PTPRM: variants seen among roughly 807,000 people sequenced by gnomAD.
The protein encoded by PTPRM is protein tyrosine phosphatase receptor type M, also known as receptor-type tyrosine-protein phosphatase mu.
PTPRM carries 47 observed loss-of-function variants against 186.7 expected under a neutral mutation model. The ratio of observed to expected loss-of-function variants is 0.25; its 90% confidence interval spans 0.20 to 0.32. The LOEUF is 0.32. PTPRM is among the 10% of genes least tolerant of loss of function. PTPRM has a pLI of 1.00. For missense variants in PTPRM, 1,494 were observed against 1,865.0 expected, an observed-to-expected ratio of 0.80 and a Z score of 3.66; for synonymous variants, 668 against 674.9, an observed-to-expected ratio of 0.99 and a Z score of 0.16.
chr18:7,694,880 A>T (rs963710401), intron 1 of PTPRM, among the ~76,000 whole-genome samples: 1 of 152,224 alleles, frequency 6.6e-6, no homozygotes, highest in African/African-American at 2.4e-5. Context: ...AGTTAAAAAA[A>T]AGTAAAAAGA....
At chr18:8,375,957 G>A (rs562848230) in intron 24 of PTPRM, 89 bp from the exon 25 acceptor site, 60 of 1,396,686 alleles carry the variant, frequency 4.3e-5, no homozygotes, top group South Asian at 4.1e-4. Flanking sequence ...GCTACCTGGG[G>A]ACTGTTTCCA....
At chr18:8,321,329 G>C (rs2095344260) in intron 22 of PTPRM, among the ~76,000 whole-genome samples, 1 of 152,048 alleles carries the variant, frequency 6.6e-6, no homozygotes, top group South Asian at 2.1e-4. Context: ...CTAGATTAAG[G>C]TGACTAAACG....
chr18:8,226,705 T>A (rs1464440252), intron 14 of PTPRM, among the ~76,000 whole-genome samples: 1 of 152,230 alleles, frequency 6.6e-6, no homozygotes, highest in Non-Finnish European at 1.5e-5. Context: ...CTGCTGTAAA[T>A]AAATTCCTAC....
chr18:8,001,939 T>C (rs982369240), intron 7 of PTPRM, among the ~76,000 whole-genome samples: 2 of 152,264 alleles, frequency 1.3e-5, no homozygotes, highest in Admixed American at 6.5e-5. Flanking sequence ...TCATAATTGA[T>C]GTTTCCTTTG....
At chr18:7,569,763 G>T (rs2036524207) in intron 1 of PTPRM, among the ~76,000 whole-genome samples, 2 of 152,188 alleles carry the variant, frequency 1.3e-5, no homozygotes, top group Admixed American at 6.5e-5. Flanking sequence ...TGATGTAAAT[G>T]ATCAGTCAAG....
chr18:8,355,490 G>C (rs575123180), intron 23 of PTPRM, among the ~76,000 whole-genome samples: 1 of 152,236 alleles, frequency 6.6e-6, no homozygotes, highest in African/African-American at 2.4e-5. Context: ...CCTTGTCATG[G>C]ATATACCACG....
chr18:7,779,631 C>T, intron 2 of PTPRM, among the ~76,000 whole-genome samples: 1 of 152,268 alleles, frequency 6.6e-6, no homozygotes, highest in East Asian at 1.9e-4. Context: ...TTTATTCACA[C>T]TTCAGGACTT....
intron 32 of PTPRM, among the ~76,000 whole-genome samples, chr18:8,397,069 A>G (rs2095848530): frequency 1.3e-5 from 2 of 152,226 alleles, no homozygotes; most frequent in South Asian, 2.1e-4. Context: ...CAGCAGCTGA[A>G]AAGAGCAGTG....
At chr18:8,395,774 A>T in intron 32 of PTPRM, among the ~76,000 whole-genome samples, 1 of 152,124 alleles carries the variant, frequency 6.6e-6, no homozygotes, top group East Asian at 1.9e-4. Flanking sequence ...GCCCATGGAA[A>T]CCCAAATTCT....
intron 1 of PTPRM, among the ~76,000 whole-genome samples, chr18:7,659,994 G>C (rs2038941842): frequency 6.6e-6 from 1 of 152,174 alleles, no homozygotes; most frequent in South Asian, 2.1e-4. Context: ...GCCTTCTGGA[G>C]GGTGAAAGTG....
chr18:8,257,021 CT>C (rs2094581038), intron 19 of PTPRM, among the ~76,000 whole-genome samples: 1 of 152,168 alleles, frequency 6.6e-6, no homozygotes, highest in African/African-American at 2.4e-5. Context: ...CCGCTGTCCC[CT>C]GGGGAAGCTG....
At chr18:8,372,536 G>C (rs940396988) in intron 24 of PTPRM, among the ~76,000 whole-genome samples, 2 of 152,158 alleles carry the variant, frequency 1.3e-5, no homozygotes, top group African/African-American at 4.8e-5. Context: ...GAATCACAAA[G>C]CTGGAAAGAC....
chr18:8,219,833 G>A (rs2094134481), intron 14 of PTPRM, among the ~76,000 whole-genome samples: 1 of 152,216 alleles, frequency 6.6e-6, no homozygotes, highest in African/African-American at 2.4e-5. Context: ...AACAAAAGCA[G>A]TGGCTTGCAG....
intron 13 of PTPRM, among the ~76,000 whole-genome samples, chr18:8,118,913 C>A (rs1182241522): frequency 6.7e-6 from 1 of 149,768 alleles, no homozygotes; most frequent in Admixed American, 6.7e-5. Flanking sequence ...GACACTTCTT[C>A]TTCTTCCAGG....
chr18:7,843,997 A>T (rs1174490144), intron 2 of PTPRM, among the ~76,000 whole-genome samples: 1 of 152,134 alleles, frequency 6.6e-6, no homozygotes, highest in Non-Finnish European at 1.5e-5. Flanking sequence ...TCACAACATG[A>T]TGACTTGATT....
chr18:8,248,272 G>T (rs1224907003), intron 17 of PTPRM, 96 bp downstream of exon 17: 1 of 1,181,290 alleles, frequency 8.5e-7, no homozygotes, highest in Non-Finnish European at 1.3e-6. Flanking sequence ...TCTGTATAAT[G>T]CAGTGATTAT....
chr18:7,597,538 A>G (rs934524747), intron 1 of PTPRM, among the ~76,000 whole-genome samples: 7 of 152,158 alleles, frequency 4.6e-5, no homozygotes, highest in Non-Finnish European at 1.0e-4. Context: ...TTAGACACAG[A>G]TAGGTAGTCA....
chr18:7,717,850 G>T (rs886434824), intron 1 of PTPRM, among the ~76,000 whole-genome samples: 2 of 152,176 alleles, frequency 1.3e-5, no homozygotes, highest in Admixed American at 6.5e-5. Context: ...TCTTGAGTGA[G>T]TGGAGTTTGA....
intron 19 of PTPRM, among the ~76,000 whole-genome samples, chr18:8,258,791 G>C (rs77425362): frequency 3.3e-5 from 5 of 151,482 alleles, no homozygotes; most frequent in Non-Finnish European, 7.4e-5. Flanking sequence ...TCACTCTGGG[G>C]CACAAAAAAA....
Sources: allele counts gnomAD v4.1 joint callset (sites outside exome capture counted in the v4.1 genomes callset), GRCh38; gene constraint gnomAD v4.1.1; transcripts MANE v1.5; gene names NCBI Gene and HGNC (gene_info 2026-07-23, HGNC 2026-07-21).